RBMS3: variants seen among roughly 807,000 people sequenced by gnomAD.
RBMS3 encodes the protein RNA-binding motif, single-stranded-interacting protein 3.
RBMS3 carries 27 observed loss-of-function variants against 66.8 expected under a neutral mutation model. The observed-to-expected ratio is 0.40, with a 90% CI of 0.30 to 0.56. RBMS3 has a LOEUF of 0.56. RBMS3 is among the 20% of genes least tolerant of loss of function. The probability of loss-of-function intolerance (pLI) is 0.40; values close to 1 mark genes in which losing one functional copy is unlikely to be tolerated. For missense variants in RBMS3, 513 were observed against 549.5 expected, an observed-to-expected ratio of 0.93 and a Z score of 0.66; for synonymous variants, 188 against 183.0, an observed-to-expected ratio of 1.03 and a Z score of -0.22.
At chr3:29,857,561 TA>T (rs35553639) in intron 6 of RBMS3, among the ~76,000 whole-genome samples, 36,224 of 139,388 alleles carry the variant, frequency 0.26, 4,663 homozygotes, top group Non-Finnish European at 0.3. Context: ...CTTTTTTTGT[TA>T]AAAAAAAAAA....
chr3:30,000,652 A>G (rs575065681), intron 14 of RBMS3, among the ~76,000 whole-genome samples: 3 of 152,320 alleles, frequency 2.0e-5, no homozygotes, highest in Admixed American at 2.0e-4. Flanking sequence ...ATGCCCATTA[A>G]TGATAGACTT....
intron 6 of RBMS3, among the ~76,000 whole-genome samples, chr3:29,772,133 A>G (rs779283544): frequency 1.3e-4 from 20 of 151,966 alleles, no homozygotes; most frequent in Non-Finnish European, 2.1e-4. Flanking sequence ...TGAAGACAGG[A>G]GGCAGCCTTT....
At chr3:29,735,332 T>C (rs1055301568) in intron 4 of RBMS3, among the ~76,000 whole-genome samples, 2 of 152,182 alleles carry the variant, frequency 1.3e-5, no homozygotes, top group African/African-American at 4.8e-5. Context: ...TTACATATTT[T>C]TGCGTAAGAT....
intron 5 of RBMS3, among the ~76,000 whole-genome samples, chr3:29,753,652 C>A (rs1205317155): frequency 6.6e-6 from 1 of 152,114 alleles, no homozygotes; most frequent in Non-Finnish European, 1.5e-5. Context: ...TCCCTGGTAC[C>A]CTAAAAGCTA....
intron 1 of RBMS3, among the ~76,000 whole-genome samples, chr3:29,361,024 A>T (rs1458947001): frequency 6.6e-6 from 1 of 151,782 alleles, no homozygotes; most frequent in African/African-American, 2.4e-5. Flanking sequence ...GTGTCTTTTA[A>T]TTGGAGCACT....
At chr3:29,929,837 C>CCAATTATACAGTGTGCAATACAGTGTG (rs1395380142) in intron 10 of RBMS3, among the ~76,000 whole-genome samples, 1 of 151,926 alleles carries the variant, frequency 6.6e-6, no homozygotes, top group Non-Finnish European at 1.5e-5. Context: ...AAATATCATG[C>CCAATTATACAGTGTGCAATACAGTGTG]CAATTAGTCT....
intron 2 of RBMS3, 122 bp downstream of exon 2, chr3:29,435,037 C>A: frequency 9.8e-7 from 1 of 1,024,298 alleles, no homozygotes; most frequent in Non-Finnish European, 1.4e-6. Context: ...CTCTTCTTTA[C>A]AAACAGGACT....
rs1315819359 is a variant in RBMS3, at chr3:29,459,305, G to A, written c.248+24390G>A. Among the ~76,000 whole-genome samples, 3 of 152,176 alleles carry A rather than the reference G, an allele frequency of 2.0e-5. No homozygotes were observed. The East Asian group carries it at 5.8e-4, about 29-fold the overall frequency. ...TACGATTTCATGATAAACTATTAGA[G>A]GTAAGGGTTCTCTTCATCAGTAGTC... On this transcript the variant is annotated intron_variant, in intron 2 of 14. Coordinates refer to ENST00000383767, the MANE Select transcript of RBMS3 (RefSeq NM_001003793.3).
intron 1 of RBMS3, among the ~76,000 whole-genome samples, chr3:29,415,078 C>G (rs1171419863): frequency 6.6e-6 from 1 of 152,106 alleles, no homozygotes; most frequent in Non-Finnish European, 1.5e-5. Flanking sequence ...GGAGTGTTCT[C>G]CCTGTGTAAG....
rs548531652 is a variant in RBMS3, at chr3:29,365,934, A to T, written c.76-68809A>T. Among the ~76,000 whole-genome samples, 3 of 152,278 alleles carry T rather than the reference A, an allele frequency of 2.0e-5. No homozygotes were observed. The East Asian group carries it at 5.8e-4, about 29-fold the overall frequency. On this transcript the variant is annotated intron_variant, in intron 1 of 14. Coordinates refer to ENST00000383767, the MANE Select transcript of RBMS3 (RefSeq NM_001003793.3). ...TGGCAGGTTCTCACCAGTTTACTGT[A>T]CTGAGTACTCTCTGGGAACCTCATA...
rs539646964 is a variant in RBMS3 at position 29,302,766 on chromosome 3, G to C, written c.75+21010G>C. 7.2e-5 allele frequency among the ~76,000 whole-genome samples: 11 copies of C among 152,164 alleles called. No homozygotes were observed. The South Asian group carries it at 2.3e-3, about 32-fold the overall frequency. On this transcript the variant is annotated intron_variant, in intron 1 of 14. Coordinates refer to ENST00000383767, the MANE Select transcript of RBMS3 (RefSeq NM_001003793.3). ...TCCCTTGCCAATAGAGAGAAGTTCT[G>C]TGCTATGTGGCTGGGATGCATTATC...
At chr3:29,373,524 G>A (rs1391268163) in intron 1 of RBMS3, among the ~76,000 whole-genome samples, 1 of 152,202 alleles carries the variant, frequency 6.6e-6, no homozygotes, top group African/African-American at 2.4e-5. Flanking sequence ...GACCTTGTGG[G>A]AAGGAAACCC....
intron 12 of RBMS3, among the ~76,000 whole-genome samples, chr3:29,949,326 C>T (rs1695523758): frequency 6.6e-6 from 1 of 151,678 alleles, no homozygotes; most frequent in African/African-American, 2.4e-5. Context: ...GCAAGCCATA[C>T]AGTCTGTGTC....
intron 6 of RBMS3, among the ~76,000 whole-genome samples, chr3:29,797,413 T>C (rs1294093831): frequency 6.6e-6 from 1 of 152,232 alleles, no homozygotes; most frequent in African/African-American, 2.4e-5. Flanking sequence ...GACTAAGCTT[T>C]GGCATTAAGA....
At chr3:29,951,462 AAGAGT>A (rs79626533) in intron 12 of RBMS3, among the ~76,000 whole-genome samples, 16,536 of 151,676 alleles carry the variant, frequency 0.11, 1,053 homozygotes, top group Middle Eastern at 0.18. Flanking sequence ...TTCTCTCCTT[AAGAGT>A]AGAGAGTATA....
At chr3:29,317,877 A>G (rs2034781471) in intron 1 of RBMS3, among the ~76,000 whole-genome samples, 1 of 151,810 alleles carries the variant, frequency 6.6e-6, no homozygotes, top group Admixed American at 6.6e-5. Flanking sequence ...CCTCCAGTGG[A>G]AATGAGTTAT....
At chr3:29,458,868 T>C (rs929171505) in intron 2 of RBMS3, among the ~76,000 whole-genome samples, 1 of 152,224 alleles carries the variant, frequency 6.6e-6, no homozygotes, top group Non-Finnish European at 1.5e-5. Flanking sequence ...GCTAAGCATA[T>C]TATCTTACAC....
chr3:29,473,823 C>T (rs1320273442), intron 2 of RBMS3, among the ~76,000 whole-genome samples: 1 of 152,262 alleles, frequency 6.6e-6, no homozygotes, highest in Non-Finnish European at 1.5e-5. Flanking sequence ...CCCACGCCCA[C>T]CTGGAAGTCC....
At chr3:29,367,859 T>C (rs1305202991) in intron 1 of RBMS3, among the ~76,000 whole-genome samples, 1 of 152,226 alleles carries the variant, frequency 6.6e-6, no homozygotes, top group Non-Finnish European at 1.5e-5. Context: ...AGGACAATAG[T>C]ACATTTTATT....
Sources: gnomAD v4.1 joint callset for allele counts (sites outside exome capture counted in the v4.1 genomes callset) on GRCh38, gnomAD v4.1.1 for gene constraint, MANE v1.5 for transcripts, NCBI Gene and HGNC (gene_info 2026-07-23, HGNC 2026-07-21) for gene names.